Variants in IGFBP7 observed in about 807,000 individuals in gnomAD.
IGFBP7 encodes the protein insulin-like growth factor-binding protein 7.
A neutral mutation model predicts 29.4 loss-of-function variants in IGFBP7; 31 were observed. The observed-to-expected ratio is 1.05, with a 90% CI of 0.79 to 1.42. The LOEUF (loss-of-function observed/expected upper bound fraction) is 1.42, where lower values mean the gene tolerates loss of function less well. IGFBP7 is among the 40% of genes most tolerant of loss of function. The probability of loss-of-function intolerance (pLI) is 0.00; values close to 1 mark genes in which losing one functional copy is unlikely to be tolerated. For missense variants in IGFBP7, 393 were observed against 395.5 expected, an observed-to-expected ratio of 0.99 and a Z score of 0.05; for synonymous variants, 172 against 174.9, an observed-to-expected ratio of 0.98 and a Z score of 0.13.
chr4:57,077,911 T>C (rs960372525), intron 1 of IGFBP7, among the ~76,000 whole-genome samples: 1 of 152,204 alleles, frequency 6.6e-6, no homozygotes, highest in Non-Finnish European at 1.5e-5. Flanking sequence ...GGGCTTCCCA[T>C]GCTGTCTGGC....
Position 57,033,205 on chromosome 4 carries a change from C to T in IGFBP7, c.692G>A (p.Gly231Asp). The change falls in exon 3 of 5, where the codon GGC becomes GAC. Residue 231 changes from glycine (G) to aspartate (D), a missense_variant. Physicochemically the swap from Gly to Asp is moderately conservative, Grantham distance 94. Coordinates refer to ENST00000295666, the MANE Select transcript of IGFBP7 (RefSeq NM_001553.3). ...GGTACTGGTACTCACCAGCACCCAGCCAGTTACTTCATGCTTTTCTGGGCC... is the reference window on the plus strand; with the variant it reads ...GGTACTGGTACTCACCAGCACCCAGTCAGTTACTTCATGCTTTTCTGGGCC... ...RGGPEKHEVT[G>D]WVLVSPLSKE... 1 of 1,609,994 alleles carries T rather than the reference C, an allele frequency of 6.2e-7. No homozygotes were observed. Among genetic ancestry groups the T allele is most frequent in the Non-Finnish European group, 8.5e-7 (1 of 1,176,186 alleles).
chr4:57,108,199 T>C (rs1184795221), intron 1 of IGFBP7, among the ~76,000 whole-genome samples: 1 of 152,256 alleles, frequency 6.6e-6, no homozygotes, highest in Non-Finnish European at 1.5e-5. Context: ...ATACTATAAA[T>C]AGTTACTAGT....
intron 1 of IGFBP7, among the ~76,000 whole-genome samples, chr4:57,054,930 A>G (rs1449759325): frequency 2.0e-5 from 3 of 152,176 alleles, no homozygotes; most frequent in African/African-American, 7.2e-5. Flanking sequence ...TGAGAACCAG[A>G]CACGTGTTTA....
chr4:57,067,630 G>T (rs1393753304), intron 1 of IGFBP7, among the ~76,000 whole-genome samples: 1 of 152,146 alleles, frequency 6.6e-6, no homozygotes, highest in African/African-American at 2.4e-5. Flanking sequence ...TAACAGCACT[G>T]TACTGCACAC....
chr4:57,042,627 C>A (rs182993547), intron 1 of IGFBP7, among the ~76,000 whole-genome samples: 1 of 152,214 alleles, frequency 6.6e-6, no homozygotes, highest in East Asian at 1.9e-4. Context: ...GGATTACAGG[C>A]GTGAGCCACT....
intron 1 of IGFBP7, among the ~76,000 whole-genome samples, chr4:57,102,726 T>C (rs978171276): frequency 6.6e-6 from 1 of 152,252 alleles, no homozygotes; most frequent in African/African-American, 2.4e-5. Flanking sequence ...CTTCAGTTTT[T>C]CAAATCTTTC....
rs182510212 is a variant in IGFBP7, at chr4:57,097,319, T to C, written c.475+12558A>G. Reference sequence around the variant, plus strand: ...ATCCTGGGTGGTTCCCATTAGACTGTCTGCATTTGGACTCTGGGATCTTCC... The same window carrying C: ...ATCCTGGGTGGTTCCCATTAGACTGCCTGCATTTGGACTCTGGGATCTTCC... On this transcript the variant is annotated intron_variant, in intron 1 of 4. Coordinates refer to ENST00000295666, the MANE Select transcript of IGFBP7 (RefSeq NM_001553.3). Among the ~76,000 whole-genome samples the C allele has an allele frequency of 8.6e-4, 131 of 152,358 alleles. No individual in the cohort carries two copies. In the South Asian group the frequency reaches 9.3e-3, roughly 11 times the overall value.
chr4:57,083,060 T>C (rs1725409672), intron 1 of IGFBP7, among the ~76,000 whole-genome samples: 1 of 152,236 alleles, frequency 6.6e-6, no homozygotes, highest in African/African-American at 2.4e-5. Flanking sequence ...TCTTTAAGAA[T>C]ATTCCAGATG....
At chr4:57,093,275 C>A (rs1260639554) in intron 1 of IGFBP7, among the ~76,000 whole-genome samples, 2 of 152,100 alleles carry the variant, frequency 1.3e-5, no homozygotes, top group African/African-American at 2.4e-5. Context: ...CCGAGGCGGG[C>A]GGATCACTTG....
At chr4:57,078,892 C>A (rs1457914919) in intron 1 of IGFBP7, among the ~76,000 whole-genome samples, 6 of 152,138 alleles carry the variant, frequency 3.9e-5, no homozygotes, top group Admixed American at 2.0e-4. Flanking sequence ...GGACCAGCTC[C>A]ACCACCCACC....
chr4:57,042,955 A>G (rs1378139634), intron 1 of IGFBP7, among the ~76,000 whole-genome samples: 1 of 152,234 alleles, frequency 6.6e-6, no homozygotes, highest in East Asian at 1.9e-4. Context: ...GAGCTGATGC[A>G]AGTAACCCCC....
intron 1 of IGFBP7, among the ~76,000 whole-genome samples, chr4:57,049,679 A>G (rs1383513389): frequency 1.3e-5 from 2 of 152,140 alleles, no homozygotes; most frequent in Non-Finnish European, 2.9e-5. Flanking sequence ...AGTGTAGTGC[A>G]TCACTGTTTT....
At chr4:57,098,118 G>T (rs1399076398) in intron 1 of IGFBP7, among the ~76,000 whole-genome samples, 4 of 152,204 alleles carry the variant, frequency 2.6e-5, no homozygotes, top group Admixed American at 2.0e-4. Context: ...GGACTGAGCT[G>T]GCTGCCTTTC....
At position 57,030,981 on chromosome 4, in the gene IGFBP7, G is replaced by A. The variant is rs899053104; in HGVS notation, c.*336C>T. On this transcript the variant is annotated 3_prime_UTR_variant, in exon 5 of 5. Transcript: ENST00000295666. ...ATGAGTATTGCACCGCGAATGATGAGTGTTTAGCTATTTTACAGGAGTCAA... is the reference window on the plus strand; with the variant it reads ...ATGAGTATTGCACCGCGAATGATGAATGTTTAGCTATTTTACAGGAGTCAA... 4 of 1,573,200 alleles carry A rather than the reference G, an allele frequency of 2.5e-6. No homozygotes were observed. The African/African-American group carries it at 4.0e-5, about 16-fold the overall frequency.
At position 57,031,264 on chromosome 4, in the gene IGFBP7, T is replaced by C. The variant is rs902253778; in HGVS notation, c.*53A>G. On this transcript the variant is annotated 3_prime_UTR_variant, in exon 5 of 5. Transcript: ENST00000295666. ...AAACTTATTAGGCAAGAACAGGTAA[T>C]GTAGTTATCCATGACTACTTTTAAC... The C allele has an allele frequency of 7.7e-6, 11 of 1,433,668 alleles. No homozygotes were observed. The highest frequency in any genetic ancestry group is 1.7e-5 in the Admixed American group (1 of 59,654). The allele number at this position is 1,433,668 out of a possible 1,614,324, so 88.8% of individuals were successfully genotyped here. A position where few individuals can be genotyped will look rare whatever the true frequency, so the allele number is the denominator to read the frequency against.
chr4:57,068,591 A>C (rs1724975007), intron 1 of IGFBP7, among the ~76,000 whole-genome samples: 1 of 152,200 alleles, frequency 6.6e-6, no homozygotes, highest in African/African-American at 2.4e-5. Flanking sequence ...AGAACATACA[A>C]ATGGCAGGAT....
chr4:57,090,447 C>T (rs1240072446), intron 1 of IGFBP7, among the ~76,000 whole-genome samples: 3 of 152,160 alleles, frequency 2.0e-5, no homozygotes, highest in Non-Finnish European at 2.9e-5. Flanking sequence ...TAAAGTCTCC[C>T]CAGAGCACTC....
chr4:57,034,712 G>T (rs1226813294), intron 2 of IGFBP7, among the ~76,000 whole-genome samples: 1 of 152,032 alleles, frequency 6.6e-6, no homozygotes, highest in Non-Finnish European at 1.5e-5. Context: ...GCTTTATGAT[G>T]CCAGGACTGG....
chr4:57,077,216 A>G (rs10009533), intron 1 of IGFBP7, among the ~76,000 whole-genome samples: 95,791 of 151,924 alleles, frequency 0.63, 30,674 homozygotes, highest in East Asian at 0.89. Context: ...ATTCACTTCT[A>G]TGAGACCACA....
Sources: gnomAD v4.1 joint callset for allele counts (sites outside exome capture counted in the v4.1 genomes callset) on GRCh38, gnomAD v4.1.1 for gene constraint, MANE v1.5 for transcripts, NCBI Gene and HGNC (gene_info 2026-07-23, HGNC 2026-07-21) for gene names.